Variants in OTOP1 observed in about 807,000 individuals in gnomAD.
OTOP1 encodes the protein otopetrin 1.
A neutral mutation model predicts 52.9 loss-of-function variants in OTOP1; 59 were observed. The observed-to-expected ratio is 1.12, with a 90% CI of 0.91 to 1.39. The LOEUF (loss-of-function observed/expected upper bound fraction) is 1.39, where lower values mean the gene tolerates loss of function less well. OTOP1 is among the 40% of genes most tolerant of loss of function. The pLI, the probability that OTOP1 is intolerant of heterozygous loss-of-function variation, is 0.00. For synonymous variants in OTOP1, 317 were observed against 337.7 expected, an observed-to-expected ratio of 0.94 and a Z score of 0.67; for missense variants, 761 against 800.9, an observed-to-expected ratio of 0.95 and a Z score of 0.60.
rs557626149 is a variant in OTOP1, at chr4:4,218,748, T to C, written c.404-5744A>G. On this transcript the variant is annotated intron_variant, in intron 1 of 5. Transcript: ENST00000296358. ...TTCGAGACCAGCCGGGCCAACATGG[T>C]GAAACCCCGTCTCTACCAAAAACAC... 3.9e-5 allele frequency among the ~76,000 whole-genome samples: 6 copies of C among 152,124 alleles called. No homozygotes were observed. The East Asian group carries it at 1.2e-3, about 29-fold the overall frequency.
At chr4:4,191,318 C>T (rs1476161043) in intron 5 of OTOP1, among the ~76,000 whole-genome samples, 1 of 152,208 alleles carries the variant, frequency 6.6e-6, no homozygotes, top group Non-Finnish European at 1.5e-5. Flanking sequence ...GGTCTCCCAG[C>T]TCGCACTAGG....
At position 4,212,706 on chromosome 4, in the gene OTOP1, G is replaced by A. The variant is rs369508421; in HGVS notation, c.540+162C>T. On this transcript the variant is annotated intron_variant, in intron 2 of 5. Transcript: ENST00000296358. ...CACAGAGTTTTATTTTGCAATGGAG[G>A]CAGCTGAAGAACTAAGCCTCAAAGA... Among the ~76,000 whole-genome samples, 51 of 152,292 alleles carry A rather than the reference G, an allele frequency of 3.3e-4. No homozygotes were observed. The South Asian group carries it at 7.9e-3, about 24-fold the overall frequency.
intron 2 of OTOP1, among the ~76,000 whole-genome samples, chr4:4,209,059 G>T (rs1450812511): frequency 6.6e-6 from 1 of 152,190 alleles, no homozygotes; most frequent in Non-Finnish European, 1.5e-5. Flanking sequence ...CATCTTACCT[G>T]CTTTACTGCA....
chr4:4,218,643 G>A (rs759726706), intron 1 of OTOP1, among the ~76,000 whole-genome samples: 1 of 152,136 alleles, frequency 6.6e-6, no homozygotes, highest in Non-Finnish European at 1.5e-5. Context: ...TGCAGTAATA[G>A]GCAGCTGAGC....
intron 1 of OTOP1, among the ~76,000 whole-genome samples, chr4:4,224,151 A>T (rs983525645): frequency 2.6e-5 from 4 of 152,072 alleles, no homozygotes; most frequent in African/African-American, 9.7e-5. Context: ...GTTTGAGACC[A>T]GTCTGGCCAA....
At chr4:4,196,525 G>A (rs1254224344) in intron 5 of OTOP1, among the ~76,000 whole-genome samples, 3 of 152,172 alleles carry the variant, frequency 2.0e-5, no homozygotes, top group Non-Finnish European at 2.9e-5. Context: ...CCATTGCACT[G>A]TAGCCTAGGC....
chr4:4,223,006 A>C (rs1256903174), intron 1 of OTOP1, among the ~76,000 whole-genome samples: 1 of 152,210 alleles, frequency 6.6e-6, no homozygotes, highest in Admixed American at 6.5e-5. Flanking sequence ...AGGACTCAGA[A>C]AGGTGACGGT....
intron 5 of OTOP1, among the ~76,000 whole-genome samples, chr4:4,190,887 T>C (rs190353083): frequency 6.6e-5 from 10 of 152,230 alleles, no homozygotes; most frequent in South Asian, 2.1e-4. Flanking sequence ...GGATCTTTCC[T>C]GGGTCCCTTT....
intron 4 of OTOP1, among the ~76,000 whole-genome samples, chr4:4,199,736 A>G (rs1241581180): frequency 6.6e-6 from 1 of 152,172 alleles, no homozygotes; most frequent in African/African-American, 2.4e-5. Flanking sequence ...ATATTAAGAA[A>G]GTAATCTCGT....
intron 4 of OTOP1, among the ~76,000 whole-genome samples, chr4:4,199,153 C>T (rs533866983): frequency 4.6e-5 from 7 of 151,500 alleles, no homozygotes; most frequent in Non-Finnish European, 8.8e-5. Context: ...CGTGCCACTG[C>T]ACTCCAGCCT....
At chr4:4,204,023 G>A (rs1286912129) in intron 3 of OTOP1, among the ~76,000 whole-genome samples, 1 of 152,228 alleles carries the variant, frequency 6.6e-6, no homozygotes, top group African/African-American at 2.4e-5. Context: ...TTTATTAAAA[G>A]CAGACAACCA....
intron 4 of OTOP1, among the ~76,000 whole-genome samples, chr4:4,201,695 C>T (rs1270377378): frequency 2.6e-5 from 4 of 151,928 alleles, no homozygotes; most frequent in Admixed American, 6.6e-5. Flanking sequence ...ATGTTAAAGC[C>T]GGAAGGGATC....
At chr4:4,191,179 C>T (rs1716496186) in intron 5 of OTOP1, among the ~76,000 whole-genome samples, 1 of 152,154 alleles carries the variant, frequency 6.6e-6, no homozygotes, top group Non-Finnish European at 1.5e-5. Flanking sequence ...CATGCCCCCT[C>T]CCATCCAGTC....
At chr4:4,225,866 C>T (rs1395056404) in intron 1 of OTOP1, among the ~76,000 whole-genome samples, 2 of 152,176 alleles carry the variant, frequency 1.3e-5, no homozygotes, top group East Asian at 3.9e-4. Flanking sequence ...TGTGGTCAGA[C>T]CTGCAAAGCC....
intron 1 of OTOP1, among the ~76,000 whole-genome samples, chr4:4,217,930 T>C (rs560655899): frequency 2.0e-5 from 3 of 152,050 alleles, no homozygotes; most frequent in Non-Finnish European, 4.4e-5. Flanking sequence ...GTATAATGGA[T>C]GGAGAGACAG....
rs144687423 is a variant in OTOP1 at position 4,221,043 on chromosome 4, C to CTATTTTATTTTATTTTATTT, written c.403+5399_403+5418dup. On this transcript the variant is annotated intron_variant, in intron 1 of 5. Coordinates refer to ENST00000296358, the MANE Select transcript of OTOP1 (RefSeq NM_177998.3). ...TACTTTATTTATATATTATTTTATTCTATTTTATTTTATTTTATTTTATTT... is the reference window on the plus strand; with the variant it reads ...TACTTTATTTATATATTATTTTATTCTATTTTATTTTATTTTATTTTATTTTATTTTATTTTATTTTATTT... Among the ~76,000 whole-genome samples, 230 of 129,474 alleles carry CTATTTTATTTTATTTTATTT rather than the reference C, an allele frequency of 1.8e-3. 2 individuals are homozygous for CTATTTTATTTTATTTTATTT. Among genetic ancestry groups the CTATTTTATTTTATTTTATTT allele is most frequent in the Middle Eastern group, 3.8e-3 (1 of 264 alleles). The allele number at this position is 129,474 out of a possible 152,430, so 84.9% of individuals were successfully genotyped here.
At chr4:4,198,858 C>T (rs1014341554) in intron 4 of OTOP1, among the ~76,000 whole-genome samples, 47 of 152,138 alleles carry the variant, frequency 3.1e-4, no homozygotes, top group African/African-American at 1.1e-3. Flanking sequence ...TTCCATTCTA[C>T]CCTTCTACTC....
chr4:4,202,890 G>A (rs946406623), intron 3 of OTOP1, among the ~76,000 whole-genome samples: 1 of 152,184 alleles, frequency 6.6e-6, no homozygotes, highest in Non-Finnish European at 1.5e-5. Flanking sequence ...ACTAAAAGCA[G>A]ACAACCCACC....
intron 4 of OTOP1, among the ~76,000 whole-genome samples, chr4:4,200,165 T>A (rs2980130): frequency 0.68 from 102,785 of 152,066 alleles, 35,290 homozygotes; most frequent in African/African-American, 0.77. Flanking sequence ...ACTTTGTCAT[T>A]GTTTTAGTTT....
Sources: gnomAD v4.1 joint callset for allele counts (sites outside exome capture counted in the v4.1 genomes callset) on GRCh38, gnomAD v4.1.1 for gene constraint, MANE v1.5 for transcripts, NCBI Gene and HGNC (gene_info 2026-07-23, HGNC 2026-07-21) for gene names.